The following ZNF804B variants were observed in gnomAD, a reference collection of about 807,000 sequenced individuals.
ZNF804B encodes the protein zinc finger protein 804B.
Under a neutral mutation model 101.4 loss-of-function variants are expected in ZNF804B, and 80 were observed. The observed-to-expected ratio is 0.79, with a 90% CI of 0.66 to 0.95. The LOEUF (loss-of-function observed/expected upper bound fraction) is 0.95, where lower values mean the gene tolerates loss of function less well. ZNF804B is among the 40% of genes least tolerant of loss of function. The pLI is 0.00. For missense variants in ZNF804B, 1,673 were observed against 1,561.9 expected, an observed-to-expected ratio of 1.07 and a Z score of -1.20; for synonymous variants, 622 against 558.8, an observed-to-expected ratio of 1.11 and a Z score of -1.59.
chr7:88,839,562 T>A (rs1427961949), intron 1 of ZNF804B, among the ~76,000 whole-genome samples: 1 of 151,988 alleles, frequency 6.6e-6, no homozygotes, highest in African/African-American at 2.4e-5. Context: ...CTTCAAGAAA[T>A]TGAAATAATT....
At chr7:89,155,294 G>C (rs1790940982) in intron 1 of ZNF804B, among the ~76,000 whole-genome samples, 1 of 152,080 alleles carries the variant, frequency 6.6e-6, no homozygotes, top group African/African-American at 2.4e-5. Context: ...CAAGAAAAAA[G>C]GAGTTAGCTC....
chr7:88,955,404 A>G (rs990164306), intron 1 of ZNF804B, among the ~76,000 whole-genome samples: 1 of 151,664 alleles, frequency 6.6e-6, no homozygotes, highest in African/African-American at 2.4e-5. Flanking sequence ...TATAGAACAA[A>G]TGTGAAGAAT....
chr7:89,189,230 A>G (rs1213951489), intron 1 of ZNF804B, among the ~76,000 whole-genome samples: 3 of 152,184 alleles, frequency 2.0e-5, no homozygotes, highest in Admixed American at 2.0e-4. Flanking sequence ...GGCTTACTGA[A>G]TACTTTAAGC....
chr7:88,972,901 A>G (rs184014751), intron 1 of ZNF804B, among the ~76,000 whole-genome samples: 21 of 151,538 alleles, frequency 1.4e-4, no homozygotes, highest in Admixed American at 5.3e-4. Context: ...TGCAGATTGA[A>G]TTTCTACAAA....
At chr7:89,199,175 A>T (rs1788596043) in intron 1 of ZNF804B, among the ~76,000 whole-genome samples, 1 of 151,802 alleles carries the variant, frequency 6.6e-6, no homozygotes, top group Admixed American at 6.6e-5. Flanking sequence ...GTGGGAAGAA[A>T]TCCTTTTTAT....
In ZNF804B at chr7:89,336,133, C is replaced by T. The variant is rs1308349466; in HGVS notation, c.3151C>T (p.Gln1051Ter). ...AAAAAGGGATGCAACAACAAAAGAA[C>T]AATCAAAACCTTTAATTAGTGAAAT... ...NIKRDATTKEQSKPLISEIQP... is the reference protein window; with the variant it reads ...NIKRDATTKE The change falls in exon 4 of 4, where the codon CAA (glutamine) becomes TAA (stop). Residue 1051 changes from glutamine (Q) to a stop codon, truncating the protein, a stop_gained. Coordinates refer to ENST00000333190, the MANE Select transcript of ZNF804B (RefSeq NM_181646.5). LOFTEE classifies it high-confidence loss of function. The T allele has an allele frequency of 1.2e-6, 2 of 1,613,712 alleles. No individual in the cohort carries two copies. The highest frequency in any genetic ancestry group is 1.7e-6 in the Non-Finnish European group (2 of 1,179,978).
At chr7:89,090,438 C>G (rs1043831811) in intron 1 of ZNF804B, among the ~76,000 whole-genome samples, 6 of 151,852 alleles carry the variant, frequency 4.0e-5, no homozygotes, top group African/African-American at 1.5e-4. Flanking sequence ...CTCTTTATCT[C>G]CTAAATAAAT....
chr7:88,763,527 A>G (rs890710981), intron 1 of ZNF804B, among the ~76,000 whole-genome samples: 4 of 151,848 alleles, frequency 2.6e-5, no homozygotes, highest in African/African-American at 4.8e-5. Flanking sequence ...GATAGTTTAT[A>G]CTACTTTAAA....
intron 1 of ZNF804B, among the ~76,000 whole-genome samples, chr7:88,938,304 T>G (rs936444627): frequency 2.0e-5 from 3 of 152,058 alleles, no homozygotes; most frequent in Non-Finnish European, 2.9e-5. Context: ...GACAAGTGTT[T>G]CCTATTCAGA....
At chr7:88,774,782 C>G (rs1034654595) in intron 1 of ZNF804B, among the ~76,000 whole-genome samples, 1 of 152,064 alleles carries the variant, frequency 6.6e-6, no homozygotes, top group Non-Finnish European at 1.5e-5. Context: ...GTTTAGGGGC[C>G]TCTAAATTGT....
intron 2 of ZNF804B, among the ~76,000 whole-genome samples, chr7:89,303,814 T>G (rs1281264699): frequency 6.6e-6 from 1 of 151,856 alleles, no homozygotes; most frequent in Non-Finnish European, 1.5e-5. Flanking sequence ...ACTGCATCTG[T>G]GACAAAAATT....
At chr7:89,229,590 G>A (rs1458643425) in intron 2 of ZNF804B, among the ~76,000 whole-genome samples, 1 of 152,170 alleles carries the variant, frequency 6.6e-6, no homozygotes, top group Non-Finnish European at 1.5e-5. Flanking sequence ...AATGCAAAGA[G>A]AAACAGATGA....
chr7:89,100,624 T>A (rs963205498), intron 1 of ZNF804B, among the ~76,000 whole-genome samples: 2 of 151,896 alleles, frequency 1.3e-5, no homozygotes, highest in African/African-American at 2.4e-5. Context: ...TAGGAAAAAA[T>A]CTAATAATCT....
chr7:89,267,506 C>T (rs1189080363), intron 2 of ZNF804B, among the ~76,000 whole-genome samples: 1 of 152,104 alleles, frequency 6.6e-6, no homozygotes, highest in Non-Finnish European at 1.5e-5. Context: ...CTCTACTTCC[C>T]TCTATGTGTT....
intron 2 of ZNF804B, among the ~76,000 whole-genome samples, chr7:89,306,553 G>A (rs1790564744): frequency 6.6e-6 from 1 of 151,944 alleles, no homozygotes; most frequent in South Asian, 2.1e-4. Context: ...GTCTGGCCTT[G>A]AGAAGTAAAA....
At chr7:88,915,841 A>G (rs1396410729) in intron 1 of ZNF804B, among the ~76,000 whole-genome samples, 2 of 151,670 alleles carry the variant, frequency 1.3e-5, no homozygotes, top group African/African-American at 4.9e-5. Context: ...AAATAAGGAT[A>G]GTGTAACAAT....
chr7:89,248,222 A>G (rs1584081508), intron 2 of ZNF804B, among the ~76,000 whole-genome samples: 2 of 152,172 alleles, frequency 1.3e-5, no homozygotes, highest in African/African-American at 2.4e-5. Context: ...TAATCTTGCT[A>G]CACAGTAGAC....
chr7:88,835,281 T>A (rs1428787792), intron 1 of ZNF804B, among the ~76,000 whole-genome samples: 1 of 151,820 alleles, frequency 6.6e-6, no homozygotes, highest in Non-Finnish European at 1.5e-5. Flanking sequence ...TAGAAGTAGC[T>A]ACACCTTCAC....
chr7:89,190,111 TG>T (rs1562909941), intron 1 of ZNF804B, among the ~76,000 whole-genome samples: 1 of 152,050 alleles, frequency 6.6e-6, no homozygotes, highest in African/African-American at 2.4e-5. Flanking sequence ...AGGAAATCAC[TG>T]CAGATATGGT....
Sources: gnomAD v4.1 joint callset for allele counts (sites outside exome capture counted in the v4.1 genomes callset) on GRCh38, gnomAD v4.1.1 for gene constraint, MANE v1.5 for transcripts, NCBI Gene and HGNC (gene_info 2026-07-23, HGNC 2026-07-21) for gene names.